The following PPFIBP1 variants were observed in gnomAD, a reference collection of about 807,000 sequenced individuals.
PPFIBP1 encodes liprin-beta-1.
PPFIBP1 carries 112 observed loss-of-function variants against 137.8 expected under a neutral mutation model. The observed-to-expected ratio is 0.81, with a 90% CI of 0.70 to 0.95. The LOEUF is 0.95. PPFIBP1 is among the 40% of genes least tolerant of loss of function. The probability of loss-of-function intolerance (pLI) is 0.00; values close to 1 mark genes in which losing one functional copy is unlikely to be tolerated. For missense variants in PPFIBP1, 1,083 were observed against 1,196.6 expected, an observed-to-expected ratio of 0.91 and a Z score of 1.40; for synonymous variants, 378 against 417.3, an observed-to-expected ratio of 0.91 and a Z score of 1.15.
intron 1 of PPFIBP1, among the ~76,000 whole-genome samples, chr12:27,558,587 C>A (rs1379600219): frequency 1.1e-5 from 1 of 87,344 alleles, no homozygotes; most frequent in African/African-American, 5.1e-5. Flanking sequence ...CTGCCCCCAC[C>A]TCTCCACCAA....
intron 4 of PPFIBP1, chr12:27,637,210 A>G (rs1043552368): frequency 2.0e-5 from 3 of 152,144 alleles, no homozygotes; most frequent in African/African-American, 4.8e-5. Context: ...TTTTGCCCTT[A>G]TTTTAAAAAA....
chr12:27,577,828 C>T (rs2050700740), intron 1 of PPFIBP1, among the ~76,000 whole-genome samples: 2 of 152,054 alleles, frequency 1.3e-5, no homozygotes, highest in Admixed American at 1.3e-4. Context: ...CATAGAGTAC[C>T]TACCATGTGC....
At chr12:27,592,652 G>A in intron 2 of PPFIBP1, 2 of 1,589,212 alleles carry the variant, frequency 1.3e-6, no homozygotes, top group Non-Finnish European at 1.7e-6. Flanking sequence ...CACTGGGCCT[G>A]TGTGTGGGAA....
Position 27,623,549 on chromosome 12 carries a change from A to T in PPFIBP1, c.-35-9813A>T, listed in dbSNP as rs545946315. ...GACCTGGCCTCTACTAAAAATAAAAATTTTAAAAATCAGCTGAGTATGGTC... is the reference window on the plus strand; with the variant it reads ...GACCTGGCCTCTACTAAAAATAAAATTTTTAAAAATCAGCTGAGTATGGTC... On this transcript the variant is annotated intron_variant, in intron 2 of 29. Coordinates refer to ENST00000228425, the MANE Select transcript of PPFIBP1 (RefSeq NM_003622.4). Among the ~76,000 whole-genome samples the T allele has an allele frequency of 3.7e-4, 57 of 152,236 alleles. No individual in the cohort carries two copies. In the South Asian group the frequency reaches 0.012, roughly 31 times the overall value.
intron 21 of PPFIBP1, among the ~76,000 whole-genome samples, chr12:27,680,340 A>G (rs1372974474): frequency 6.6e-6 from 1 of 152,214 alleles, no homozygotes; most frequent in Non-Finnish European, 1.5e-5. Flanking sequence ...GATGGTAATT[A>G]CAAGTACTCT....
chr12:27,606,639 A>G (rs1435350773), intron 2 of PPFIBP1, among the ~76,000 whole-genome samples: 2 of 152,254 alleles, frequency 1.3e-5, no homozygotes, highest in Non-Finnish European at 2.9e-5. Flanking sequence ...ATAAACAGAT[A>G]AAATTTGTTA....
intron 2 of PPFIBP1, among the ~76,000 whole-genome samples, chr12:27,612,328 GTTTTTTT>G (rs1173958726): frequency 2.3e-5 from 2 of 87,234 alleles, no homozygotes; most frequent in Non-Finnish European, 4.3e-5. Flanking sequence ...CTTTATTGGT[GTTTTTTT>G]TTTTTTTTTT....
chr12:27,612,739 C>G (rs1415627242), intron 2 of PPFIBP1, among the ~76,000 whole-genome samples: 1 of 152,084 alleles, frequency 6.6e-6, no homozygotes, highest in Non-Finnish European at 1.5e-5. Context: ...GGCTTCTGGG[C>G]CCTGAAATAC....
At chr12:27,677,477 C>A in intron 19 of PPFIBP1, 1 of 226,422 alleles carries the variant, frequency 4.4e-6, no homozygotes, top group Non-Finnish European at 8.8e-6. Flanking sequence ...GCTTACATTT[C>A]CCCCAGCCTC....
At chr12:27,641,601 A>G (rs2058106581) in intron 4 of PPFIBP1, among the ~76,000 whole-genome samples, 1 of 152,196 alleles carries the variant, frequency 6.6e-6, no homozygotes, top group African/African-American at 2.4e-5. Context: ...GTTAACATTT[A>G]TTATGTCTTT....
chr12:27,536,664 G>A (rs1945054511), intron 1 of PPFIBP1, among the ~76,000 whole-genome samples: 2 of 152,174 alleles, frequency 1.3e-5, no homozygotes, highest in African/African-American at 4.8e-5. Context: ...GATTTGGAGG[G>A]GCCAAACATC....
chr12:27,685,220 T>C (rs1439254566), intron 24 of PPFIBP1, among the ~76,000 whole-genome samples: 1 of 131,394 alleles, frequency 7.6e-6, no homozygotes, highest in Non-Finnish European at 1.5e-5. Context: ...AGAGTATGTA[T>C]ATATATATAT....
intron 2 of PPFIBP1, among the ~76,000 whole-genome samples, chr12:27,610,711 T>C (rs890001341): frequency 3.3e-5 from 5 of 152,208 alleles, no homozygotes; most frequent in African/African-American, 1.2e-4. Flanking sequence ...TGCTTTGATG[T>C]GTATATCATA....
intron 4 of PPFIBP1, among the ~76,000 whole-genome samples, chr12:27,645,739 T>C (rs2058430743): frequency 1.3e-5 from 2 of 152,228 alleles, no homozygotes; most frequent in East Asian, 1.9e-4. Flanking sequence ...GCCCCCTACA[T>C]ACTCACAAAG....
At chr12:27,615,701 A>G (rs2055662723) in intron 2 of PPFIBP1, among the ~76,000 whole-genome samples, 1 of 152,228 alleles carries the variant, frequency 6.6e-6, no homozygotes, top group African/African-American at 2.4e-5. Context: ...TTTGAGCAAT[A>G]TGCTCTGTAA....
rs149608029 is a variant in PPFIBP1 at position 27,599,069 on chromosome 12, A to G, written c.-36+20830A>G. Among the ~76,000 whole-genome samples, 113 of 152,358 alleles carry G rather than the reference A, an allele frequency of 7.4e-4. 3 individuals carry two copies. Among genetic ancestry groups the G allele is most frequent in the East Asian group, 1.7e-3 (9 of 5,194 alleles). On this transcript the variant is annotated intron_variant, in intron 2 of 29. Transcript: ENST00000228425. ...TTGATGGGATTTGGAACCTAAATAT[A>G]CAGAGTAGGAAGTTTCTAATTTGGA...
At chr12:27,594,677 A>G (rs2052981272) in intron 2 of PPFIBP1, among the ~76,000 whole-genome samples, 1 of 152,228 alleles carries the variant, frequency 6.6e-6, no homozygotes, top group African/African-American at 2.4e-5. Context: ...ATAAAAGAAA[A>G]AGATCATTAT....
intron 27 of PPFIBP1, among the ~76,000 whole-genome samples, chr12:27,690,752 T>C (rs1217638710): frequency 6.6e-6 from 1 of 152,174 alleles, no homozygotes; most frequent in Non-Finnish European, 1.5e-5. Context: ...AGGTTTCTCT[T>C]GTACAGATTT....
chr12:27,627,649 ACAT>A (rs1407597579), intron 2 of PPFIBP1, among the ~76,000 whole-genome samples: 1 of 152,166 alleles, frequency 6.6e-6, no homozygotes, highest in African/African-American at 2.4e-5. Flanking sequence ...CTGACCTAAA[ACAT>A]CAGTTAGTCA....
Sources: gnomAD v4.1 joint callset for allele counts (sites outside exome capture counted in the v4.1 genomes callset) on GRCh38, gnomAD v4.1.1 for gene constraint, MANE v1.5 for transcripts, NCBI Gene and HGNC (gene_info 2026-07-23, HGNC 2026-07-21) for gene names.